Variants in ARHGAP29 observed in about 807,000 individuals in gnomAD.
ARHGAP29 encodes the protein Rho GTPase activating protein 29.
Under a neutral mutation model 122.6 loss-of-function variants are expected in ARHGAP29, and 43 were observed. The observed-to-expected ratio is 0.35, with a 90% confidence interval of 0.27 to 0.45. ARHGAP29 has a LOEUF of 0.45. ARHGAP29 is among the 20% of genes least tolerant of loss of function. The pLI is 1.00. For synonymous variants in ARHGAP29, 506 were observed against 497.1 expected (o/e 1.02, Z -0.24); for missense variants, 1,303 against 1,477.2 (o/e 0.88, Z 1.93).
rs913334359 is a variant in ARHGAP29, at chr1:94,227,985, A to G, written c.205+3422T>C. 2.0e-5 allele frequency among the ~76,000 whole-genome samples: 3 copies of G among 151,882 alleles called. No individual in the cohort carries two copies. The East Asian group carries it at 5.8e-4, about 29-fold the overall frequency. On this transcript the variant is annotated intron_variant, in intron 2 of 22. Coordinates refer to ENST00000260526, the MANE Select transcript of ARHGAP29 (RefSeq NM_004815.4). ...CAAATTCCACATCTGCTACTTGTAT[A>G]AGACTACAAGGTAACCTCCTCCTGG...
the ARHGAP29 span, among the ~76,000 whole-genome samples, chr1:94,295,465 C>T: frequency 1.3e-5 from 2 of 151,848 alleles, no homozygotes; most frequent in African/African-American, 4.8e-5. Context: ...AGATTGTACT[C>T]AGACATTGTA....
chr1:94,280,583 C>G, the ARHGAP29 span, among the ~76,000 whole-genome samples: 1 of 152,038 alleles, frequency 6.6e-6, no homozygotes, highest in African/African-American at 2.4e-5. Context: ...GAAGAGTGAT[C>G]CTGGCAGAAC....
chr1:94,296,152 A>G, the ARHGAP29 span, among the ~76,000 whole-genome samples: 2 of 152,238 alleles, frequency 1.3e-5, no homozygotes, highest in African/African-American at 4.8e-5. Flanking sequence ...CATAAGTTTT[A>G]AATTGTGCAC....
intron 22 of ARHGAP29, 96 bp downstream of exon 22, chr1:94,177,516 G>C: frequency 1.2e-6 from 1 of 860,340 alleles, no homozygotes; most frequent in Non-Finnish European, 1.7e-6. Flanking sequence ...TTCATTCTCT[G>C]GCTTCCCTCA....
chr1:94,284,342 C>T, the ARHGAP29 span, among the ~76,000 whole-genome samples: 2 of 152,268 alleles, frequency 1.3e-5, no homozygotes, highest in South Asian at 2.1e-4. Context: ...ATTTTGCATC[C>T]TTACCTCAGT....
At chr1:94,241,734 T>TTATA (rs1309508488), upstream of ARHGAP29, among the ~76,000 whole-genome samples, 28 of 135,252 alleles carry the variant, frequency 2.1e-4, no homozygotes, top group African/African-American at 6.3e-4. Context: ...TAATATATAT[T>TTATA]TATATATATA....
chr1:94,233,335 C>T (rs1256267927), intron 1 of ARHGAP29, among the ~76,000 whole-genome samples: 2 of 151,982 alleles, frequency 1.3e-5, no homozygotes, highest in African/African-American at 4.8e-5. Context: ...TATATCTCAC[C>T]CAACTCCATA....
chr1:94,254,164 A>T (rs1654230703), intron 1 of ARHGAP29, among the ~76,000 whole-genome samples: 1 of 152,214 alleles, frequency 6.6e-6, no homozygotes, highest in African/African-American at 2.4e-5. Flanking sequence ...ATGTCTATAG[A>T]TGCTTTCACT....
intron 1 of ARHGAP29, among the ~76,000 whole-genome samples, chr1:94,263,987 C>T (rs995308457): frequency 6.6e-6 from 1 of 152,194 alleles, no homozygotes; most frequent in Non-Finnish European, 1.5e-5. Flanking sequence ...CAGTGGTGAG[C>T]ATCCTTGTTA....
the ARHGAP29 span, among the ~76,000 whole-genome samples, chr1:94,297,199 G>A: frequency 6.6e-6 from 1 of 152,166 alleles, no homozygotes; most frequent in African/African-American, 2.4e-5. Context: ...GAAACAACAT[G>A]TTGAGCCTGG....
chr1:94,215,911 T>C (rs1396558573), intron 3 of ARHGAP29, among the ~76,000 whole-genome samples: 1 of 145,146 alleles, frequency 6.9e-6, no homozygotes, highest in Non-Finnish European at 1.5e-5. Context: ...TCAATTAACA[T>C]AAAAGGATGT....
the ARHGAP29 span, among the ~76,000 whole-genome samples, chr1:94,283,529 G>A: frequency 9.9e-4 from 150 of 152,220 alleles, 2 homozygotes; most frequent in African/African-American, 3.5e-3. Context: ...ATATTTAAAA[G>A]AACTAGAATC....
At chr1:94,235,443 T>C (rs1372332934) in intron 1 of ARHGAP29, among the ~76,000 whole-genome samples, 1 of 152,230 alleles carries the variant, frequency 6.6e-6, no homozygotes, top group Non-Finnish European at 1.5e-5. Context: ...TGGTTCATCA[T>C]AAAGATGAAC....
At chr1:94,195,184 A>G (rs1650376854) in intron 12 of ARHGAP29, 1 of 152,150 alleles carries the variant, frequency 6.6e-6, no homozygotes, top group Admixed American at 6.5e-5. Context: ...GAGTTCTACC[A>G]AACAAAATCT....
At chr1:94,281,383 A>G in the ARHGAP29 span, among the ~76,000 whole-genome samples, 9 of 152,306 alleles carry the variant, frequency 5.9e-5, no homozygotes, top group East Asian at 1.7e-3. Context: ...GTGCTATCAT[A>G]TCTCGCTGGG....
At chr1:94,248,842 A>G (rs959343184) in intron 1 of ARHGAP29, among the ~76,000 whole-genome samples, 6 of 152,050 alleles carry the variant, frequency 3.9e-5, no homozygotes, top group African/African-American at 1.5e-4. Context: ...AGCTGGGACT[A>G]CAGGCTTGTG....
chr1:94,300,495 G>A, the ARHGAP29 span, among the ~76,000 whole-genome samples: 2 of 152,146 alleles, frequency 1.3e-5, no homozygotes, highest in East Asian at 3.9e-4. Flanking sequence ...CCTGACCTTA[G>A]CTTGAATGTT....
At chr1:94,310,259 C>T in the ARHGAP29 span, among the ~76,000 whole-genome samples, 61 of 152,232 alleles carry the variant, frequency 4.0e-4, no homozygotes, top group African/African-American at 1.0e-3. Flanking sequence ...AAGCTGAGTT[C>T]GTAGGGTGGG....
chr1:94,170,790 C>T lies in ARHGAP29; in HGVS notation c.*3079G>A, dbSNP rs1275487283. ...TAAGATCTCCTTAAATGCTTCCTGACATGGTCTAACATTTTCTCCATCAAG... is the reference window on the plus strand; with the variant it reads ...TAAGATCTCCTTAAATGCTTCCTGATATGGTCTAACATTTTCTCCATCAAG... On this transcript the variant is annotated 3_prime_UTR_variant, in exon 23 of 23. Coordinates refer to ENST00000260526, the MANE Select transcript of ARHGAP29 (RefSeq NM_004815.4). 1.3e-5 allele frequency among the ~76,000 whole-genome samples: 2 copies of T among 152,196 alleles called. No homozygotes were observed. The highest frequency in any genetic ancestry group is 4.8e-5 in the African/African-American group (2 of 41,452).
Sources: gnomAD v4.1 joint callset for allele counts (sites outside exome capture counted in the v4.1 genomes callset) on GRCh38, gnomAD v4.1.1 for gene constraint, MANE v1.5 for transcripts, NCBI Gene and HGNC (gene_info 2026-07-23, HGNC 2026-07-21) for gene names.